MCTP1: variants seen among roughly 807,000 people sequenced by gnomAD.
The protein encoded by MCTP1 is multiple C2 and transmembrane domain-containing protein 1.
A neutral mutation model predicts 120.6 loss-of-function variants in MCTP1; 69 were observed. The observed-to-expected ratio is 0.57, with a 90% confidence interval of 0.47 to 0.70. MCTP1 has a LOEUF of 0.70. Among genes scored for constraint, MCTP1 ranks in the 30% least tolerant of loss-of-function variants. The pLI is 0.00. For synonymous variants in MCTP1, 529 were observed against 493.1 expected (o/e 1.07, Z -0.96); for missense variants, 1,203 against 1,248.8 (o/e 0.96, Z 0.55).
intron 1 of MCTP1, chr5:95,081,521 G>T: frequency 1.3e-6 from 2 of 1,593,096 alleles, no homozygotes; most frequent in Non-Finnish European, 1.7e-6. Flanking sequence ...TCACTCCAGT[G>T]AGAGAACTGC....
At chr5:95,168,980 T>G (rs1746833706) in intron 1 of MCTP1, among the ~76,000 whole-genome samples, 1 of 152,170 alleles carries the variant, frequency 6.6e-6, no homozygotes, top group Non-Finnish European at 1.5e-5. Flanking sequence ...TGTGCCAGTT[T>G]TCAAAGGGAA....
intron 1 of MCTP1, among the ~76,000 whole-genome samples, chr5:95,056,028 A>G (rs996414405): frequency 2.0e-5 from 3 of 152,230 alleles, no homozygotes; most frequent in Admixed American, 2.0e-4. Flanking sequence ...GTATCTGTCC[A>G]CACATGCACA....
intron 1 of MCTP1, among the ~76,000 whole-genome samples, chr5:95,225,063 G>T (rs1168291830): frequency 1.3e-5 from 2 of 152,012 alleles, no homozygotes; most frequent in Non-Finnish European, 2.9e-5. Flanking sequence ...CAACCACAGA[G>T]ATTTTTTTTC....
At chr5:94,791,112 CAAAAAAAAA>C (rs60394333) in intron 18 of MCTP1, among the ~76,000 whole-genome samples, 2 of 99,660 alleles carry the variant, frequency 2.0e-5, no homozygotes, top group African/African-American at 7.8e-5. Context: ...GTCTCTACTA[CAAAAAAAAA>C]AAAAAAAAAA....
intron 2 of MCTP1, among the ~76,000 whole-genome samples, chr5:95,008,334 A>AC (rs2153651705): frequency 6.6e-6 from 1 of 151,744 alleles, no homozygotes; most frequent in East Asian, 1.9e-4. Flanking sequence ...CTATATCTTA[A>AC]CCCCCTCACC....
At chr5:94,821,934 C>T (rs1019202659) in intron 17 of MCTP1, among the ~76,000 whole-genome samples, 13 of 152,100 alleles carry the variant, frequency 8.5e-5, no homozygotes, top group African/African-American at 3.1e-4. Context: ...CTGTGAATTA[C>T]GTTATACCAT....
Position 94,707,495 on chromosome 5 carries a change from G to A in MCTP1, c.*1C>T. ...CTGGTCTCCTCAGTGCTGGGAGCTG[G>A]CTAGCCAAGATTGTTTTTCTTTCTT... On this transcript the variant is annotated 3_prime_UTR_variant, in exon 23 of 23. Coordinates refer to ENST00000515393, the MANE Select transcript of MCTP1 (RefSeq NM_024717.7). The A allele has an allele frequency of 6.2e-7, 1 of 1,610,292 alleles. No individual in the cohort carries two copies. The highest frequency in any genetic ancestry group is 2.2e-5 in the East Asian group (1 of 44,800).
chr5:94,774,627 C>T (rs549818442), intron 19 of MCTP1, among the ~76,000 whole-genome samples: 8 of 152,102 alleles, frequency 5.3e-5, no homozygotes, highest in Non-Finnish European at 1.0e-4. Flanking sequence ...AGCAGAGAAC[C>T]CAACTGAGCT....
chr5:95,249,385 T>C lies in MCTP1; in HGVS notation c.720+34471A>G, dbSNP rs184591127. On this transcript the variant is annotated intron_variant, in intron 1 of 22. Transcript: ENST00000515393. ...TACTTCTCAAAAGAAGACATTTATG[T>C]GGCCAAAAAACATATGAAAAAATGC... is the stretch of plus-strand genomic sequence containing the variant. Among the ~76,000 whole-genome samples the C allele has an allele frequency of 1.8e-4, 27 of 152,178 alleles. No individual in the cohort carries two copies. The East Asian group carries it at 5.2e-3, about 29-fold the overall frequency.
At chr5:95,007,473 T>C (rs1834996433) in intron 2 of MCTP1, among the ~76,000 whole-genome samples, 1 of 152,158 alleles carries the variant, frequency 6.6e-6, no homozygotes, top group Admixed American at 6.6e-5. Context: ...GCATAATACA[T>C]ACTAGAAATA....
chr5:94,819,834 T>A (rs1046168710), intron 17 of MCTP1, among the ~76,000 whole-genome samples: 2 of 152,170 alleles, frequency 1.3e-5, no homozygotes, highest in African/African-American at 4.8e-5. Flanking sequence ...AAACAATACG[T>A]TTTCAGATAG....
rs1283743957 is a variant in MCTP1, at chr5:94,883,791, A to G, written c.1933+5088T>C. ...AAAAGCAACTTAGCAACTTCTTCCA[A>G]TTGAGCAATTGTTTTCTACAGGGCA... On this transcript the variant is annotated intron_variant, in intron 12 of 22. Transcript: ENST00000515393. Among the ~76,000 whole-genome samples, 8 of 152,166 alleles carry G rather than the reference A, an allele frequency of 5.3e-5. No individual in the cohort carries two copies. The East Asian group carries it at 5.8e-4, about 11-fold the overall frequency.
chr5:94,713,462 G>A (rs1208728790), intron 20 of MCTP1, among the ~76,000 whole-genome samples: 2 of 152,066 alleles, frequency 1.3e-5, no homozygotes, highest in African/African-American at 4.8e-5. Flanking sequence ...GGCATTCACT[G>A]CCTGATCCAT....
At chr5:94,862,045 G>A (rs1474883113) in intron 17 of MCTP1, among the ~76,000 whole-genome samples, 1 of 151,822 alleles carries the variant, frequency 6.6e-6, no homozygotes, top group East Asian at 1.9e-4. Context: ...TAATTATGCT[G>A]GTGATATTTG....
At chr5:94,718,474 G>A (rs761265457) in intron 19 of MCTP1, among the ~76,000 whole-genome samples, 49 of 151,922 alleles carry the variant, frequency 3.2e-4, no homozygotes, top group East Asian at 7.8e-4. Flanking sequence ...CTTCTAAAGC[G>A]AACATTTTGA....
intron 1 of MCTP1, among the ~76,000 whole-genome samples, chr5:95,228,302 A>G (rs527320686): frequency 6.6e-6 from 1 of 152,198 alleles, no homozygotes; most frequent in Non-Finnish European, 1.5e-5. Context: ...GCTAAATTTT[A>G]TACACTCTGA....
At chr5:95,188,304 C>G (rs1434372270) in intron 1 of MCTP1, among the ~76,000 whole-genome samples, 1 of 152,108 alleles carries the variant, frequency 6.6e-6, no homozygotes, top group Non-Finnish European at 1.5e-5. Context: ...TGCAATGATG[C>G]TGGAAATGTA....
intron 17 of MCTP1, among the ~76,000 whole-genome samples, chr5:94,841,019 G>C (rs1384599458): frequency 6.6e-6 from 1 of 152,172 alleles, no homozygotes; most frequent in Non-Finnish European, 1.5e-5. Flanking sequence ...TTGGCACAGA[G>C]TAAGTACTCA....
intron 1 of MCTP1, among the ~76,000 whole-genome samples, chr5:95,056,643 C>G (rs769664054): frequency 1.3e-5 from 2 of 152,144 alleles, no homozygotes; most frequent in Non-Finnish European, 2.9e-5. Context: ...CTCTCTGAGT[C>G]TCTACTAAGT....
Sources: gnomAD v4.1 joint callset for allele counts (sites outside exome capture counted in the v4.1 genomes callset) on GRCh38, gnomAD v4.1.1 for gene constraint, MANE v1.5 for transcripts, NCBI Gene and HGNC (gene_info 2026-07-23, HGNC 2026-07-21) for gene names.